FAM178B: variants seen among roughly 807,000 people sequenced by gnomAD.
FAM178B encodes family with sequence similarity 178 member B, also known as protein FAM178B.
A neutral mutation model predicts 91.7 loss-of-function variants in FAM178B; 82 were observed. The ratio of observed to expected loss-of-function variants is 0.89; its 90% CI spans 0.75 to 1.07. The LOEUF (loss-of-function observed/expected upper bound fraction) is 1.07, where lower values mean the gene tolerates loss of function less well. Among genes scored for constraint, FAM178B ranks in the 50% least tolerant of loss-of-function variants. The probability of loss-of-function intolerance (pLI) is 0.00; values close to 1 mark genes in which losing one functional copy is unlikely to be tolerated. For synonymous variants in FAM178B, 368 were observed against 359.4 expected, an observed-to-expected ratio of 1.02 and a Z score of -0.27; for missense variants, 769 against 846.7, an observed-to-expected ratio of 0.91 and a Z score of 1.14.
At position 96,886,686 on chromosome 2, in the gene FAM178B, C is replaced by T. The variant is rs149065026; in HGVS notation, c.1776+7240G>A. Among the ~76,000 whole-genome samples the T allele has an allele frequency of 2.5e-4, 38 of 152,326 alleles. No individual in the cohort carries two copies. In the East Asian group the frequency reaches 4.6e-3, roughly 19 times the overall value. ...AAGACAGGGAAGAAGGGACAGAAAA[C>T]GTGATGCGCAGAGAGCACTTGAGAA... On this transcript the variant is annotated intron_variant, in intron 14 of 16. Transcript: ENST00000490605.
chr2:96,947,521 T>C (rs1437934137), intron 8 of FAM178B, among the ~76,000 whole-genome samples: 2 of 152,230 alleles, frequency 1.3e-5, no homozygotes, highest in African/African-American at 4.8e-5. Flanking sequence ...ACCTAGAGAC[T>C]GTCTCAGTCT....
intron 8 of FAM178B, among the ~76,000 whole-genome samples, chr2:96,940,230 G>A (rs765993775): frequency 6.6e-6 from 1 of 152,196 alleles, no homozygotes; most frequent in Non-Finnish European, 1.5e-5. Context: ...AAGGGCACCC[G>A]GCATGAGAAC....
At chr2:96,971,185 C>G (rs1470868650) in intron 3 of FAM178B, among the ~76,000 whole-genome samples, 1 of 150,190 alleles carries the variant, frequency 6.7e-6, no homozygotes, top group Non-Finnish European at 1.5e-5. Flanking sequence ...GAGCTTCTCT[C>G]CCCCTCCCTA....
intron 5 of FAM178B, among the ~76,000 whole-genome samples, chr2:96,965,327 A>ATG: frequency 6.6e-6 from 1 of 152,066 alleles, no homozygotes; most frequent in East Asian, 1.9e-4. Flanking sequence ...GTGGCTTTAA[A>ATG]TGTCATACGT....
At chr2:96,881,510 C>CT (rs2080383983) in intron 14 of FAM178B, among the ~76,000 whole-genome samples, 1 of 151,852 alleles carries the variant, frequency 6.6e-6, no homozygotes. Context: ...GCGCAGCTCA[C>CT]TGGCCTGCTC....
At position 96,894,924 on chromosome 2, in the gene FAM178B, C is replaced by T. The variant is rs368042394; in HGVS notation, c.1651-873G>A. Reference sequence around the variant, plus strand: ...TCACCCACACTCACCCACACCCATCCCCACCCCCTGCACTGCCGCTCTGCA... The same window carrying T: ...TCACCCACACTCACCCACACCCATCTCCACCCCCTGCACTGCCGCTCTGCA... On this transcript the variant is annotated intron_variant, in intron 13 of 16. Coordinates refer to ENST00000490605, the MANE Select transcript of FAM178B (RefSeq NM_001122646.3). 7.4e-5 allele frequency: 34 copies of T among 457,526 alleles called. No homozygotes were observed. In the East Asian group the frequency reaches 1.8e-3, roughly 24 times the overall value. The allele number at this position is 457,526 out of a possible 1,614,324, so 28.3% of individuals were successfully genotyped here.
chr2:96,981,307 C>T (rs189503467), intron 1 of FAM178B, among the ~76,000 whole-genome samples: 8 of 152,206 alleles, frequency 5.3e-5, no homozygotes, highest in Non-Finnish European at 1.0e-4. Context: ...ACGTTGACTT[C>T]GTAACGAGGT....
At chr2:96,948,497 G>A (rs1211102362) in intron 7 of FAM178B, among the ~76,000 whole-genome samples, 1 of 152,224 alleles carries the variant, frequency 6.6e-6, no homozygotes, top group Non-Finnish European at 1.5e-5. Flanking sequence ...AGAAGCTGGG[G>A]TTTGGAAACA....
intron 14 of FAM178B, among the ~76,000 whole-genome samples, chr2:96,882,306 G>A (rs928784263): frequency 2.6e-5 from 4 of 152,194 alleles, no homozygotes; most frequent in African/African-American, 4.8e-5. Context: ...AACCGCCAGC[G>A]GCTGTGGACA....
chr2:96,972,775 A>C (rs2082240150), intron 1 of FAM178B, among the ~76,000 whole-genome samples, 169 bp from the exon 2 acceptor site: 1 of 152,196 alleles, frequency 6.6e-6, no homozygotes, highest in Admixed American at 6.5e-5. Context: ...TGGAGAGAAC[A>C]ATCTGACTTC....
At chr2:96,949,504 T>C (rs2081889128) in intron 7 of FAM178B, among the ~76,000 whole-genome samples, 1 of 152,036 alleles carries the variant, frequency 6.6e-6, no homozygotes, top group African/African-American at 2.4e-5. Flanking sequence ...TCCCAACCCT[T>C]CCCCATCCCT....
chr2:96,950,020 G>A (rs2081897838), intron 7 of FAM178B: 2 of 985,826 alleles, frequency 2.0e-6, no homozygotes, highest in African/African-American at 3.5e-5. Flanking sequence ...CTCCCCTCCA[G>A]CCCCCTCGCA....
intron 12 of FAM178B, among the ~76,000 whole-genome samples, chr2:96,914,063 G>A (rs759268803): frequency 1.6e-4 from 25 of 152,242 alleles, no homozygotes; most frequent in Non-Finnish European, 2.2e-4. Context: ...CTCAGCACCC[G>A]TGATATTCTA....
In FAM178B at chr2:96,936,346, C is replaced by T. The variant is rs190830422; in HGVS notation, c.1079-7026G>A. 4.9e-3 allele frequency among the ~76,000 whole-genome samples: 727 copies of T among 148,074 alleles called. 5 individuals carry two copies. The highest frequency in any genetic ancestry group is 0.013 in the South Asian group (60 of 4,704). ...CCTCCCGAGTAGCTGGAACTACAGGCGCCCGCCACCACGCCCGGCTAAGTT... is the reference window on the plus strand; with the variant it reads ...CCTCCCGAGTAGCTGGAACTACAGGTGCCCGCCACCACGCCCGGCTAAGTT... On this transcript the variant is annotated intron_variant, in intron 8 of 16. Transcript: ENST00000490605.
chr2:96,904,132 G>A (rs943661259), intron 12 of FAM178B, among the ~76,000 whole-genome samples: 2 of 150,822 alleles, frequency 1.3e-5, no homozygotes, highest in Non-Finnish European at 3.0e-5. Flanking sequence ...CCCATGCCCA[G>A]CAATCCTACT....
chr2:96,898,659 A>G (rs2080868032), intron 13 of FAM178B, among the ~76,000 whole-genome samples: 1 of 152,128 alleles, frequency 6.6e-6, no homozygotes, highest in Non-Finnish European at 1.5e-5. Context: ...CAAAAATAAA[A>G]TAATCCCGGC....
intron 10 of FAM178B, among the ~76,000 whole-genome samples, chr2:96,922,346 C>T (rs1360283438): frequency 6.6e-6 from 1 of 152,156 alleles, no homozygotes; most frequent in African/African-American, 2.4e-5. Context: ...AGTAGCCATT[C>T]TTTATTCTTT....
rs933920116 is a variant in FAM178B, at chr2:96,876,247, G to A, written c.*29C>T. On this transcript the variant is annotated 3_prime_UTR_variant, in exon 17 of 17. Coordinates refer to ENST00000490605, the MANE Select transcript of FAM178B (RefSeq NM_001122646.3). ...CCTGTTCACTTCCTGCTGAAGCCAG[G>A]AGCCCTGGGCTGCCCTGACCCTGTC... 3.7e-6 allele frequency: 6 copies of A among 1,604,488 alleles called. No homozygotes were observed. The highest frequency in any genetic ancestry group is 1.7e-6 in the Non-Finnish European group (2 of 1,175,996).
intron 14 of FAM178B, among the ~76,000 whole-genome samples, chr2:96,893,427 G>C (rs1028296893): frequency 1.3e-5 from 2 of 152,096 alleles, no homozygotes; most frequent in Admixed American, 6.5e-5. Flanking sequence ...TGTCTGGAAA[G>C]TCAATTAGGA....
Sources: allele counts gnomAD v4.1 joint callset (sites outside exome capture counted in the v4.1 genomes callset), GRCh38; gene constraint gnomAD v4.1.1; transcripts MANE v1.5; gene names NCBI Gene and HGNC (gene_info 2026-07-23, HGNC 2026-07-21).